Variants in RHOA observed in about 807,000 individuals in gnomAD.
RHOA encodes the protein transforming protein RhoA.
Under a neutral mutation model 17.5 loss-of-function variants are expected in RHOA, and 3 were observed. The observed-to-expected ratio is 0.17, with a 90% CI of 0.08 to 0.44. The LOEUF (loss-of-function observed/expected upper bound fraction) is 0.44, where lower values mean the gene tolerates loss of function less well. Ranked by LOEUF, RHOA falls within the 20% of genes least tolerant of loss-of-function variation. The pLI is 0.99. For missense variants in RHOA, 56 were observed against 242.3 expected (o/e 0.23, Z 5.10); for synonymous variants, 98 against 88.4 (o/e 1.11, Z -0.61).
At chr3:49,382,933 T>G (rs1218796689) in intron 1 of RHOA, among the ~76,000 whole-genome samples, 1 of 151,308 alleles carries the variant, frequency 6.6e-6, no homozygotes, top group Non-Finnish European at 1.5e-5. Context: ...TGGGCACCTG[T>G]AATCCCAACT....
intron 2 of RHOA, among the ~76,000 whole-genome samples, chr3:49,374,675 T>C (rs551143851): frequency 1.3e-5 from 2 of 151,716 alleles, no homozygotes; most frequent in South Asian, 4.2e-4. Context: ...CGAGCTGAGA[T>C]TGTACCACTG....
chr3:49,390,577 T>G (rs1318020171), intron 1 of RHOA, among the ~76,000 whole-genome samples: 1 of 152,150 alleles, frequency 6.6e-6, no homozygotes, highest in Non-Finnish European at 1.5e-5. Flanking sequence ...TGTCAGGATT[T>G]AATTCACACC....
chr3:49,385,481 G>C (rs1036529982), intron 1 of RHOA, among the ~76,000 whole-genome samples: 3 of 152,010 alleles, frequency 2.0e-5, no homozygotes, highest in Admixed American at 6.6e-5. Context: ...CTCCCAAAGT[G>C]CTAGGATTAC....
At chr3:49,405,646 C>A (rs1421084219) in intron 1 of RHOA, among the ~76,000 whole-genome samples, 3 of 152,090 alleles carry the variant, frequency 2.0e-5, no homozygotes, top group Non-Finnish European at 4.4e-5. Context: ...CTCCAGAATC[C>A]ATGCTCTTAA....
chr3:49,384,881 T>C (rs2048371734), intron 1 of RHOA, among the ~76,000 whole-genome samples: 1 of 151,974 alleles, frequency 6.6e-6, no homozygotes, highest in Non-Finnish European at 1.5e-5. Flanking sequence ...CTGGCCAACA[T>C]GGTGAAACCA....
At chr3:49,378,841 C>T (rs977559870) in intron 1 of RHOA, among the ~76,000 whole-genome samples, 5 of 152,044 alleles carry the variant, frequency 3.3e-5, no homozygotes, top group African/African-American at 1.2e-4. Flanking sequence ...TGCAATCCTC[C>T]CGATTCAGCC....
At chr3:49,395,327 A>G (rs1422873310) in intron 1 of RHOA, among the ~76,000 whole-genome samples, 2 of 152,014 alleles carry the variant, frequency 1.3e-5, no homozygotes, top group Non-Finnish European at 1.5e-5. Flanking sequence ...AGACCAGAGG[A>G]TATGGTATGT....
intron 2 of RHOA, among the ~76,000 whole-genome samples, chr3:49,372,852 T>C (rs937187106): frequency 6.6e-6 from 1 of 151,896 alleles, no homozygotes; most frequent in Non-Finnish European, 1.5e-5. Context: ...TCACAGAACC[T>C]TGATGTCACC....
At chr3:49,409,950 C>G (rs956971537) in intron 1 of RHOA, among the ~76,000 whole-genome samples, 6 of 151,996 alleles carry the variant, frequency 3.9e-5, no homozygotes, top group African/African-American at 1.5e-4. Flanking sequence ...GAAGTTGGTC[C>G]CTTAAAAAAA....
At position 49,373,130 on chromosome 3, in the gene RHOA, C is replaced by T. The variant is rs565178449; in HGVS notation, c.156+2304G>A. On this transcript the variant is annotated intron_variant, in intron 2 of 4. Coordinates refer to ENST00000418115, the MANE Select transcript of RHOA (RefSeq NM_001664.4). ...AGGCCAAGGCGGGCGGATCACCTGA[C>T]GTCAAAAGTTCGAGACCAGCCTGGC... is the stretch of plus-strand genomic sequence containing the variant. The T allele has an allele frequency of 3.4e-4, 54 of 156,574 alleles. 3 individuals carry two copies. In the South Asian group the frequency reaches 7.8e-3, roughly 23 times the overall value. The allele number at this position is 156,574 out of a possible 1,614,324, so 9.7% of individuals were successfully genotyped here.
chr3:49,404,854 G>A lies in RHOA; in HGVS notation c.-3+6966C>T, dbSNP rs540987061. Among the ~76,000 whole-genome samples the A allele has an allele frequency of 1.5e-4, 23 of 150,686 alleles. 1 individual carries two copies. Among genetic ancestry groups the A allele is most frequent in the Non-Finnish European group, 3.2e-4 (22 of 67,732 alleles). Reference sequence around the variant, plus strand: ...CCTGGGAGGCTAAGGCAGGAGAACCGCATGAACCCGGGAGGCAGAGTTTGC... The same window carrying A: ...CCTGGGAGGCTAAGGCAGGAGAACCACATGAACCCGGGAGGCAGAGTTTGC... On this transcript the variant is annotated intron_variant, in intron 1 of 4. Transcript: ENST00000418115.
chr3:49,370,888 G>T (rs1023591897), intron 2 of RHOA, among the ~76,000 whole-genome samples: 3 of 152,066 alleles, frequency 2.0e-5, no homozygotes, highest in African/African-American at 7.2e-5. Flanking sequence ...GTTTCTAAAT[G>T]ATTTCTTCCT....
At chr3:49,379,589 C>T (rs1427494201) in intron 1 of RHOA, among the ~76,000 whole-genome samples, 1 of 152,156 alleles carries the variant, frequency 6.6e-6, no homozygotes, top group Non-Finnish European at 1.5e-5. Flanking sequence ...TCTCCACTCA[C>T]TGCAACCTTA....
Position 49,385,688 on chromosome 3 carries a change from T to A in RHOA, c.-2-10097A>T, listed in dbSNP as rs529736958. On this transcript the variant is annotated intron_variant, in intron 1 of 4. Transcript: ENST00000418115. ...GCCAAATTCAAGGTCGTAAAAAAAA[T>A]ATATATGCTTCTTTCTATAGTTTTA... Among the ~76,000 whole-genome samples the A allele has an allele frequency of 4.7e-5, 7 of 150,376 alleles. No homozygotes were observed. In the East Asian group the frequency reaches 5.8e-4, roughly 12 times the overall value.
At chr3:49,403,649 TAGG>T (rs774649746) in intron 1 of RHOA, among the ~76,000 whole-genome samples, 1 of 151,852 alleles carries the variant, frequency 6.6e-6, no homozygotes, top group Non-Finnish European at 1.5e-5. Context: ...TTCTTGGGCC[TAGG>T]AGGTCGAGGA....
chr3:49,394,214 C>G (rs7643586), intron 1 of RHOA, among the ~76,000 whole-genome samples: 65,848 of 151,208 alleles, frequency 0.44, 15,586 homozygotes, highest in East Asian at 0.93. Context: ...CCATGTTGGT[C>G]AGGCTGGTCT....
intron 1 of RHOA, among the ~76,000 whole-genome samples, chr3:49,383,059 GA>G (rs1217085774): frequency 2.1e-4 from 29 of 135,832 alleles, no homozygotes; most frequent in African/African-American, 1.9e-4. Flanking sequence ...CATCGTATCA[GA>G]AAAAAAAAAA....
At chr3:49,381,562 G>A (rs1276364692) in intron 1 of RHOA, among the ~76,000 whole-genome samples, 5 of 148,356 alleles carry the variant, frequency 3.4e-5, no homozygotes, top group Non-Finnish European at 6.0e-5. Context: ...GCAACACAGT[G>A]AGACTCTGTC....
At chr3:49,400,187 G>C (rs1454007776) in intron 1 of RHOA, among the ~76,000 whole-genome samples, 3 of 149,884 alleles carry the variant, frequency 2.0e-5, no homozygotes, top group African/African-American at 7.4e-5. Flanking sequence ...ACTCCAGCCT[G>C]GGTGACAGAG....
Sources: allele counts gnomAD v4.1 joint callset (sites outside exome capture counted in the v4.1 genomes callset), GRCh38; gene constraint gnomAD v4.1.1; transcripts MANE v1.5; gene names NCBI Gene and HGNC (gene_info 2026-07-23, HGNC 2026-07-21).